VPS13B: variants seen among roughly 807,000 people sequenced by gnomAD.
VPS13B encodes the protein intermembrane lipid transfer protein VPS13B.
In VPS13B, 285 loss-of-function variants were observed where a neutral mutation model predicts 426.4. That is an observed-to-expected ratio of 0.67 (90% confidence interval 0.61 to 0.74). The LOEUF is 0.74. Ranked by LOEUF, VPS13B falls within the 30% of genes least tolerant of loss-of-function variation. The pLI, the probability that VPS13B is intolerant of heterozygous loss-of-function variation, is 0.00. For missense variants in VPS13B, 4,537 were observed against 4,782.6 expected, an observed-to-expected ratio of 0.95 and a Z score of 1.51; for synonymous variants, 1,676 against 1,676.4, an observed-to-expected ratio of 1.00 and a Z score of 0.01.
intron 22 of VPS13B, among the ~76,000 whole-genome samples, chr8:99,435,903 G>T (rs531369922): frequency 2.2e-4 from 34 of 152,098 alleles, no homozygotes; most frequent in Non-Finnish European, 4.7e-4. Context: ...ATTTACATCT[G>T]GAGTTTAAAA....
chr8:99,414,779 A>G (rs1815899830), intron 21 of VPS13B, among the ~76,000 whole-genome samples: 1 of 152,220 alleles, frequency 6.6e-6, no homozygotes, highest in South Asian at 2.1e-4. Context: ...GTTTCTGCCA[A>G]GAGATCCGAT....
At chr8:99,423,999 G>A (rs931641777) in intron 21 of VPS13B, among the ~76,000 whole-genome samples, 10 of 152,156 alleles carry the variant, frequency 6.6e-5, no homozygotes, top group African/African-American at 2.4e-4. Context: ...GTCTAATGTT[G>A]ACAGTGGGGT....
At chr8:99,071,304 C>T (rs1349825279) in intron 3 of VPS13B, among the ~76,000 whole-genome samples, 8 of 152,112 alleles carry the variant, frequency 5.3e-5, no homozygotes, top group Non-Finnish European at 1.2e-4. Context: ...GCAGCTGTAT[C>T]GCACTGGGGG....
chr8:99,699,735 A>G lies in VPS13B; in HGVS notation c.6257A>G (p.His2086Arg). 6.2e-7 allele frequency: 1 copy of G among 1,614,162 alleles called. No individual in the cohort carries two copies. The change falls in exon 36 of 62, where the codon CAT becomes CGT. Residue 2086 changes from histidine to arginine, a missense_variant. His to Arg is a conservative substitution (Grantham distance 29). Around this residue, in one of 2 missense-constraint regions of VPS13B, gnomAD observed 4,311 missense variants for 4,474.3 expected, o/e 0.96. Coordinates refer to ENST00000357162, the MANE Select transcript of VPS13B (RefSeq NM_152564.5). ...GGAAAGTTGTCTAAACCCAAAATTC[A>G]TGGTGATGGAGTGCAAAAGATTTCA... The part of the protein sequence containing the change: ...YRGKLSKPKI[H>R]GDGVQKISAQ...
intron 17 of VPS13B, chr8:99,233,377 C>T (rs888891161): frequency 1.7e-5 from 18 of 1,066,798 alleles, no homozygotes; most frequent in Middle Eastern, 2.9e-4. Flanking sequence ...CCCGAAGATC[C>T]GTCCCTGGGC....
rs563488964 is a variant in VPS13B at position 99,596,834 on chromosome 8, G to T, written c.5220+19201G>T. Among the ~76,000 whole-genome samples, 3 of 152,096 alleles carry T rather than the reference G, an allele frequency of 2.0e-5. No individual in the cohort carries two copies. The South Asian group carries it at 6.2e-4, about 32-fold the overall frequency. On this transcript the variant is annotated intron_variant, in intron 33 of 61. Coordinates refer to ENST00000357162, the MANE Select transcript of VPS13B (RefSeq NM_152564.5). ...CTGCTAAAAATTGTTTTTCTGCTGT[G>T]TGCCCTGCTAAAAATTATTCTACTA... is the stretch of plus-strand genomic sequence containing the variant.
intron 33 of VPS13B, among the ~76,000 whole-genome samples, chr8:99,640,049 G>GAAGAAGAGAAAAGAAA (rs1299280170): frequency 1.1e-4 from 11 of 99,718 alleles, no homozygotes; most frequent in Non-Finnish European, 1.4e-4. Flanking sequence ...AGAAGAAGAA[G>GAAGAAGAGAAAAGAAA]AGAAAAGAAA....
At chr8:99,338,169 G>A (rs1038616042) in intron 19 of VPS13B, among the ~76,000 whole-genome samples, 1 of 152,008 alleles carries the variant, frequency 6.6e-6, no homozygotes, top group African/African-American at 2.4e-5. Context: ...ATTATATAAA[G>A]TACTATGTGT....
intron 54 of VPS13B, among the ~76,000 whole-genome samples, chr8:99,847,269 C>A (rs1201808399): frequency 6.6e-6 from 1 of 152,190 alleles, no homozygotes; most frequent in Non-Finnish European, 1.5e-5. Context: ...AACAAATGGA[C>A]TCCATTTCTG....
chr8:99,217,075 TATTTTCTGTTTACTC>T (rs953762055), intron 17 of VPS13B, among the ~76,000 whole-genome samples: 6 of 152,192 alleles, frequency 3.9e-5, no homozygotes, highest in Non-Finnish European at 5.9e-5. Context: ...CTCTTTTCAT[TATTTTCTGTTTACTC>T]ATTTTCTGTT....
At chr8:99,179,007 T>G (rs1401416203) in intron 16 of VPS13B, among the ~76,000 whole-genome samples, 3 of 152,178 alleles carry the variant, frequency 2.0e-5, no homozygotes, top group Admixed American at 2.0e-4. Context: ...ATAAGAACTT[T>G]GTATTCTTCA....
intron 56 of VPS13B, 51 bp from the exon 57 acceptor site, chr8:99,859,253 A>G (rs979127150): frequency 6.2e-7 from 1 of 1,610,144 alleles, no homozygotes; most frequent in Non-Finnish European, 8.5e-7. Flanking sequence ...ACAAATGTTG[A>G]AAGTTCTGCA....
At chr8:99,560,894 C>T (rs1251084662) in intron 31 of VPS13B, among the ~76,000 whole-genome samples, 1 of 152,156 alleles carries the variant, frequency 6.6e-6, no homozygotes, top group Non-Finnish European at 1.5e-5. Context: ...CAAATTCTAT[C>T]ATAACAAAGA....
intron 19 of VPS13B, among the ~76,000 whole-genome samples, chr8:99,314,752 A>G (rs1172959375): frequency 2.0e-5 from 3 of 152,158 alleles, no homozygotes; most frequent in African/African-American, 4.8e-5. Flanking sequence ...CAGCCAGCTT[A>G]TCTCCCATTT....
At chr8:99,370,141 G>A (rs62534577) in intron 19 of VPS13B, among the ~76,000 whole-genome samples, 7 of 152,112 alleles carry the variant, frequency 4.6e-5, no homozygotes, top group South Asian at 2.1e-4. Context: ...TTTTTTAAGT[G>A]CCAGTCACTG....
At chr8:99,445,945 G>GT (rs1420558146) in intron 23 of VPS13B, among the ~76,000 whole-genome samples, 1 of 152,176 alleles carries the variant, frequency 6.6e-6, no homozygotes, top group Non-Finnish European at 1.5e-5. Flanking sequence ...TATGGTTTCT[G>GT]TTTTCACTAC....
intron 34 of VPS13B, among the ~76,000 whole-genome samples, chr8:99,652,428 A>G (rs1426600166): frequency 6.6e-6 from 1 of 152,146 alleles, no homozygotes; most frequent in Non-Finnish European, 1.5e-5. Flanking sequence ...TGCTTTTGTC[A>G]TCATTGTTAA....
At position 99,520,990 on chromosome 8, in the gene VPS13B, C is replaced by T. The variant is rs1391300463; in HGVS notation, c.4725C>T (p.Val1575=). 1 of 1,613,514 alleles carries T rather than the reference C, an allele frequency of 6.2e-7. No homozygotes were observed. Among genetic ancestry groups the T allele is most frequent in the Non-Finnish European group, 8.5e-7 (1 of 1,179,664 alleles). The part of the protein sequence containing the change: ...PQADNPLGRS[V]LRKDIYQRAL... ...CTGACAATCCCCTTGGCAGATCTGTCCTTAGGAAAGATATTTACCAGTAAG... is the reference window on the plus strand; with the variant it reads ...CTGACAATCCCCTTGGCAGATCTGTTCTTAGGAAAGATATTTACCAGTAAG... Residue 1575 remains valine, a synonymous_variant, in exon 30 of 62, where the codon GTC becomes GTT. Coordinates refer to ENST00000357162, the MANE Select transcript of VPS13B (RefSeq NM_152564.5).
At chr8:99,388,131 T>G (rs1247619509) in intron 20 of VPS13B, among the ~76,000 whole-genome samples, 1 of 152,166 alleles carries the variant, frequency 6.6e-6, no homozygotes, top group Non-Finnish European at 1.5e-5. Context: ...CAATGATGTA[T>G]GCAATATGAG....
Sources: gnomAD v4.1 joint callset for allele counts (sites outside exome capture counted in the v4.1 genomes callset) on GRCh38, gnomAD v4.1.1 for gene constraint, gnomAD v4.1.1 regional missense constraint, MANE v1.5 for transcripts, NCBI Gene and HGNC (gene_info 2026-07-23, HGNC 2026-07-21) for gene names.